The following ARL15 variants were observed in gnomAD, a reference collection of about 807,000 sequenced individuals.
The protein encoded by ARL15 is ADP-ribosylation factor-like protein 15.
ARL15 carries 19 observed loss-of-function variants against 25.2 expected under a neutral mutation model. The ratio of observed to expected loss-of-function variants is 0.75; its 90% CI spans 0.53 to 1.10. The LOEUF (loss-of-function observed/expected upper bound fraction) is 1.10, where lower values mean the gene tolerates loss of function less well. Ranked by LOEUF, ARL15 falls within the 50% of genes least tolerant of loss-of-function variation. The pLI is 0.00. For missense variants in ARL15, 220 were observed against 246.0 expected (o/e 0.89, Z 0.71); for synonymous variants, 94 against 86.8 (o/e 1.08, Z -0.46).
At chr5:54,186,024 G>A (rs919621961) in intron 1 of ARL15, among the ~76,000 whole-genome samples, 3 of 152,052 alleles carry the variant, frequency 2.0e-5, no homozygotes, top group Non-Finnish European at 4.4e-5. Context: ...TGGGACAATC[G>A]TTGGATTATT....
At chr5:54,149,396 GA>G (rs1407352565) in intron 3 of ARL15, among the ~76,000 whole-genome samples, 2 of 147,838 alleles carry the variant, frequency 1.4e-5, no homozygotes, top group East Asian at 2.0e-4. Context: ...ACCACAAAGA[GA>G]AAAAAAAAAT....
chr5:54,057,570 G>A (rs1750917714), intron 4 of ARL15, among the ~76,000 whole-genome samples: 1 of 152,200 alleles, frequency 6.6e-6, no homozygotes, highest in Admixed American at 6.5e-5. Flanking sequence ...TACTATTGAT[G>A]GGGCATAAGT....
At chr5:54,127,820 G>C (rs910636278) in intron 3 of ARL15, among the ~76,000 whole-genome samples, 3 of 148,928 alleles carry the variant, frequency 2.0e-5, no homozygotes, top group Admixed American at 1.3e-4. Flanking sequence ...CCAAAACAGA[G>C]ATATAGATCA....
intron 4 of ARL15, among the ~76,000 whole-genome samples, chr5:53,979,254 G>A (rs771360361): frequency 1.2e-4 from 19 of 152,092 alleles, no homozygotes; most frequent in Non-Finnish European, 1.5e-5. Context: ...TTCATGGGCT[G>A]TGGCATGGTG....
intron 1 of ARL15, among the ~76,000 whole-genome samples, chr5:54,197,415 C>G (rs1296680892): frequency 1.3e-5 from 2 of 152,118 alleles, no homozygotes; most frequent in Non-Finnish European, 2.9e-5. Context: ...CATGATCACA[C>G]TAGCTTGGAA....
At chr5:54,128,820 C>T (rs1579828460) in intron 3 of ARL15, among the ~76,000 whole-genome samples, 1 of 151,768 alleles carries the variant, frequency 6.6e-6, no homozygotes, top group Non-Finnish European at 1.5e-5. Context: ...ATTCTCCTGC[C>T]TCAGCCTCCC....
intron 4 of ARL15, among the ~76,000 whole-genome samples, chr5:54,047,323 C>A (rs1262981768): frequency 6.6e-6 from 1 of 152,186 alleles, no homozygotes; most frequent in African/African-American, 2.4e-5. Flanking sequence ...TAGACTGATA[C>A]TAGCATACCA....
At chr5:53,956,355 A>G (rs1333431195) in intron 4 of ARL15, among the ~76,000 whole-genome samples, 5 of 151,626 alleles carry the variant, frequency 3.3e-5, no homozygotes, top group African/African-American at 7.2e-5. Flanking sequence ...CAGGGTTACC[A>G]TATTACAAAA....
chr5:54,241,850 T>G (rs1756966697), intron 1 of ARL15, among the ~76,000 whole-genome samples: 1 of 152,212 alleles, frequency 6.6e-6, no homozygotes, highest in Non-Finnish European at 1.5e-5. Context: ...CTGGGGGCTC[T>G]GTCATCCACT....
chr5:53,979,060 G>A (rs1448371030), intron 4 of ARL15, among the ~76,000 whole-genome samples: 1 of 152,102 alleles, frequency 6.6e-6, no homozygotes, highest in Non-Finnish European at 1.5e-5. Context: ...ATTTTACTCT[G>A]TGGGTCAGGT....
At chr5:53,992,188 A>C (rs1748525158) in intron 4 of ARL15, among the ~76,000 whole-genome samples, 2 of 152,210 alleles carry the variant, frequency 1.3e-5, no homozygotes, top group South Asian at 4.1e-4. Flanking sequence ...CTAGTAATGC[A>C]CTGGGTACTT....
intron 4 of ARL15, among the ~76,000 whole-genome samples, chr5:54,044,240 A>ATTTTT (rs1196537602): frequency 7.8e-6 from 1 of 128,742 alleles, no homozygotes; most frequent in African/African-American, 3.0e-5. Flanking sequence ...CCATTATTTA[A>ATTTTT]TTTTTTTTTT....
intron 4 of ARL15, among the ~76,000 whole-genome samples, chr5:54,056,507 G>T (rs1185894754): frequency 6.6e-6 from 1 of 151,722 alleles, no homozygotes; most frequent in African/African-American, 2.4e-5. Flanking sequence ...GCGTGCCCCT[G>T]TAGTCCCAGC....
intron 1 of ARL15, among the ~76,000 whole-genome samples, chr5:54,195,465 C>T (rs1755524770): frequency 6.6e-6 from 1 of 152,154 alleles, no homozygotes; most frequent in African/African-American, 2.4e-5. Flanking sequence ...TTGCTCCTTC[C>T]ACTAATCTGA....
chr5:53,977,974 A>G (rs922895674), intron 4 of ARL15, among the ~76,000 whole-genome samples: 8 of 152,182 alleles, frequency 5.3e-5, no homozygotes, highest in African/African-American at 1.9e-4. Context: ...CTTTTCGCCT[A>G]TAATAGGAGG....
chr5:54,282,356 T>A (rs771429009), intron 1 of ARL15: 1 of 985,302 alleles, frequency 1.0e-6, no homozygotes, highest in Non-Finnish European at 1.2e-6. Context: ...AATAAGAGAA[T>A]AAGAAATGTT....
intron 4 of ARL15, among the ~76,000 whole-genome samples, chr5:54,004,062 CTTTCCTTCAGTAACCAA>C (rs1748939058): frequency 6.6e-6 from 1 of 152,190 alleles, no homozygotes; most frequent in African/African-American, 2.4e-5. Flanking sequence ...CCATAGGAAA[CTTTCCTTCAGTAACCAA>C]TTTCCTTGCC....
chr5:53,886,695 G>A lies in ARL15; in HGVS notation c.481C>T (p.Leu161Phe). 6.4e-7 allele frequency: 1 copy of A among 1,558,500 alleles called. No homozygotes were observed. The highest frequency in any genetic ancestry group is 8.7e-7 in the Non-Finnish European group (1 of 1,152,890). ...SVQEIKKYFE[L>F]EPLARGKRWI... ...CGTTTTCCACGTGCAAGTGGTTCAA[G>A]TTCAAAATATTTTTTGATCTTAAGA... The change falls in exon 5 of 5, where the codon CTT (leucine) becomes TTT (phenylalanine). Residue 161 changes from leucine (L) to phenylalanine (F), a missense_variant. Transcript: ENST00000504924.
intron 4 of ARL15, among the ~76,000 whole-genome samples, chr5:54,042,002 G>C (rs1353388147): frequency 3.3e-5 from 5 of 149,296 alleles, no homozygotes; most frequent in Non-Finnish European, 5.9e-5. Context: ...ACGGAGTCTC[G>C]CTTTGTCGCC....
Sources: allele counts gnomAD v4.1 joint callset (sites outside exome capture counted in the v4.1 genomes callset), GRCh38; gene constraint gnomAD v4.1.1; transcripts MANE v1.5; gene names NCBI Gene and HGNC (gene_info 2026-07-23, HGNC 2026-07-21).